Variants in VEPH1 observed in about 807,000 individuals in gnomAD.
VEPH1 encodes the protein ventricular zone expressed PH domain containing 1.
A neutral mutation model predicts 85.2 loss-of-function variants in VEPH1; 80 were observed. The ratio of observed to expected loss-of-function variants is 0.94; its 90% confidence interval spans 0.78 to 1.13. The LOEUF (loss-of-function observed/expected upper bound fraction) is 1.13, where lower values mean the gene tolerates loss of function less well. VEPH1 is among the 50% of genes most tolerant of loss of function. VEPH1 has a pLI of 0.00. For synonymous variants in VEPH1, 297 were observed against 348.0 expected, an observed-to-expected ratio of 0.85 and a Z score of 1.63; for missense variants, 955 against 980.5, an observed-to-expected ratio of 0.97 and a Z score of 0.35.
At chr3:157,361,282 T>G (rs1287789685) in intron 9 of VEPH1, among the ~76,000 whole-genome samples, 1 of 152,232 alleles carries the variant, frequency 6.6e-6, no homozygotes, top group Non-Finnish European at 1.5e-5. Context: ...ATAAAGTTAG[T>G]GCAAACACTT....
chr3:157,363,174 G>C (rs368871242), intron 9 of VEPH1, 190 bp downstream of exon 9: 8 of 494,512 alleles, frequency 1.6e-5, no homozygotes, highest in African/African-American at 1.0e-4. Context: ...GATTCAAATG[G>C]GAATCAAGAT....
At chr3:157,315,156 C>T (rs1290502547) in intron 10 of VEPH1, among the ~76,000 whole-genome samples, 1 of 151,938 alleles carries the variant, frequency 6.6e-6, no homozygotes, top group Non-Finnish European at 1.5e-5. Context: ...GTGTATGAGA[C>T]TAAGTGGTTT....
At chr3:157,444,096 T>C (rs1411050799) in intron 4 of VEPH1, among the ~76,000 whole-genome samples, 1 of 152,136 alleles carries the variant, frequency 6.6e-6, no homozygotes, top group Non-Finnish European at 1.5e-5. Flanking sequence ...ACACTGTGGA[T>C]GGGGAGGTAA....
chr3:157,315,074 T>G (rs955175824), intron 10 of VEPH1, among the ~76,000 whole-genome samples: 4 of 152,100 alleles, frequency 2.6e-5, no homozygotes, highest in African/African-American at 9.6e-5. Flanking sequence ...TTATGTATAA[T>G]GTATAATAAA....
At chr3:157,440,789 G>A (rs946536766) in intron 4 of VEPH1, among the ~76,000 whole-genome samples, 13 of 151,986 alleles carry the variant, frequency 8.6e-5, no homozygotes, top group African/African-American at 2.2e-4. Flanking sequence ...TGGCTAAGTC[G>A]CCTTGAGATG....
intron 7 of VEPH1, among the ~76,000 whole-genome samples, chr3:157,370,948 T>C (rs1727418367): frequency 6.6e-6 from 1 of 152,238 alleles, no homozygotes; most frequent in Non-Finnish European, 1.5e-5. Flanking sequence ...GGGATTGATA[T>C]TACATCATCA....
chr3:157,454,453 A>G (rs905619861), intron 4 of VEPH1, among the ~76,000 whole-genome samples: 6 of 152,166 alleles, frequency 3.9e-5, no homozygotes. Context: ...TGGTACAATG[A>G]GCTTAAGTTA....
At chr3:157,470,619 GGT>G in intron 2 of VEPH1, 90 bp from the exon 3 acceptor site, 1 of 1,279,506 alleles carries the variant, frequency 7.8e-7, no homozygotes, top group Non-Finnish European at 1.1e-6. Context: ...TTAGAAAATG[GGT>G]GCACCAGGCT....
At chr3:157,335,769 T>C (rs1722909148) in intron 9 of VEPH1, among the ~76,000 whole-genome samples, 1 of 152,176 alleles carries the variant, frequency 6.6e-6, no homozygotes, top group African/African-American at 2.4e-5. Context: ...GGGAAAAAGA[T>C]GGGAGTTATT....
chr3:157,457,732 C>T (rs146350458), intron 4 of VEPH1, among the ~76,000 whole-genome samples: 5 of 152,262 alleles, frequency 3.3e-5, no homozygotes, highest in Middle Eastern at 3.4e-3. Flanking sequence ...TGATCATGAT[C>T]GATAAGCTTT....
chr3:157,498,672 A>T (rs982438911), intron 1 of VEPH1, among the ~76,000 whole-genome samples: 1 of 152,196 alleles, frequency 6.6e-6, no homozygotes, highest in African/African-American at 2.4e-5. Flanking sequence ...CATGCTGCAC[A>T]TCCCTTCCTA....
intron 2 of VEPH1, among the ~76,000 whole-genome samples, chr3:157,482,382 G>A (rs916778011): frequency 1.3e-5 from 2 of 151,952 alleles, no homozygotes; most frequent in African/African-American, 2.4e-5. Flanking sequence ...GCACCACCAG[G>A]CCCAGTTAAT....
At chr3:157,292,111 G>A (rs190215616) in intron 11 of VEPH1, among the ~76,000 whole-genome samples, 2 of 152,166 alleles carry the variant, frequency 1.3e-5, no homozygotes, top group African/African-American at 4.8e-5. Flanking sequence ...TTTTCAGATC[G>A]TCTGTTCAGA....
chr3:157,369,648 C>T (rs902496506), intron 7 of VEPH1, among the ~76,000 whole-genome samples: 2 of 152,112 alleles, frequency 1.3e-5, no homozygotes, highest in African/African-American at 4.8e-5. Context: ...AATTTCAATT[C>T]CAATAAATTG....
At chr3:157,355,478 A>C (rs1725321841) in intron 9 of VEPH1, among the ~76,000 whole-genome samples, 1 of 152,210 alleles carries the variant, frequency 6.6e-6, no homozygotes, top group South Asian at 2.1e-4. Flanking sequence ...TGGCTGGCTA[A>C]GTTTCTCCCT....
chr3:157,374,286 G>A (rs1016540012), intron 7 of VEPH1, among the ~76,000 whole-genome samples: 8 of 151,582 alleles, frequency 5.3e-5, no homozygotes, highest in Non-Finnish European at 1.0e-4. Flanking sequence ...AGAGATACTC[G>A]TTTCCTATCA....
intron 4 of VEPH1, among the ~76,000 whole-genome samples, chr3:157,447,736 A>C (rs979146330): frequency 4.6e-5 from 7 of 151,902 alleles, no homozygotes; most frequent in African/African-American, 1.5e-4. Flanking sequence ...CTGGGACTAC[A>C]GGTGTGTGCC....
chr3:157,373,771 CT>C (rs984651176), intron 7 of VEPH1, among the ~76,000 whole-genome samples: 6 of 152,204 alleles, frequency 3.9e-5, no homozygotes, highest in Admixed American at 1.3e-4. Flanking sequence ...GAAAAGCTTT[CT>C]TTTTTTGTGT....
Position 157,261,099 on chromosome 3 carries a change from G to A in VEPH1, c.*35C>T, listed in dbSNP as rs1559903344. On this transcript the variant is annotated 3_prime_UTR_variant, in exon 14 of 14. Coordinates refer to ENST00000362010, the MANE Select transcript of VEPH1 (RefSeq NM_001167912.2). ...CATTGGCAATGATAATACAATGCCT[G>A]TGGTGTATAATTGTCATGGCTGACT... 6.2e-7 allele frequency: 1 copy of A among 1,610,008 alleles called. No individual in the cohort carries two copies. The highest frequency in any genetic ancestry group is 8.5e-7 in the Non-Finnish European group (1 of 1,178,438).
Sources: gnomAD v4.1 joint callset for allele counts (sites outside exome capture counted in the v4.1 genomes callset) on GRCh38, gnomAD v4.1.1 for gene constraint, MANE v1.5 for transcripts, NCBI Gene and HGNC (gene_info 2026-07-23, HGNC 2026-07-21) for gene names.